The following GNAL variants were observed in gnomAD, a reference collection of about 807,000 sequenced individuals.
GNAL encodes guanine nucleotide-binding protein G(olf) subunit alpha.
A neutral mutation model predicts 55.1 loss-of-function variants in GNAL; 18 were observed. The ratio of observed to expected loss-of-function variants is 0.33; its 90% CI spans 0.23 to 0.48. GNAL has a LOEUF of 0.48. Ranked by LOEUF, GNAL falls within the 20% of genes least tolerant of loss-of-function variation. The probability of loss-of-function intolerance (pLI) is 0.99; values close to 1 mark genes in which losing one functional copy is unlikely to be tolerated. For missense variants in GNAL, 412 were observed against 614.1 expected, an observed-to-expected ratio of 0.67 and a Z score of 3.48; for synonymous variants, 253 against 237.0, an observed-to-expected ratio of 1.07 and a Z score of -0.62.
chr18:11,830,405 G>A (rs530127426), intron 5 of GNAL, among the ~76,000 whole-genome samples: 1 of 149,418 alleles, frequency 6.7e-6, no homozygotes, highest in East Asian at 2.0e-4. Context: ...TCCTGCCTCA[G>A]CCTCAGAATT....
chr18:11,872,826 G>A (rs2586211), intron 10 of GNAL, among the ~76,000 whole-genome samples: 30,052 of 152,178 alleles, frequency 0.2, 3,038 homozygotes, highest in South Asian at 0.27. Context: ...GAGAGATAGC[G>A]TGTTCAAAGC....
In GNAL at chr18:11,752,263, G is replaced by A. The variant is rs2032869915; in HGVS notation, c.377-590G>A. 3 of 1,366,784 alleles carry A rather than the reference G, an allele frequency of 2.2e-6. No homozygotes were observed. Among genetic ancestry groups the A allele is most frequent in the Non-Finnish European group, 2.8e-6 (3 of 1,053,276 alleles). 84.7% of individuals were successfully genotyped at this position (1,366,784 alleles called of 1,614,324 possible). A position where few individuals can be genotyped will look rare whatever the true frequency, so the allele number is the denominator to read the frequency against. ...TTAGTTGGGAGTTTGCGGTGGGCAG[G>A]GGGAGGGAGAAGAAACGCCTGCTCT... On this transcript the variant is annotated intron_variant, in intron 1 of 11. Coordinates refer to ENST00000334049, the MANE Select transcript of GNAL (RefSeq NM_182978.4). The surrounding 1 kb of genome is among the most constrained non-coding windows in gnomAD (Gnocchi z 4.5).
chr18:11,876,766 T>G, intron 11 of GNAL, 78 bp downstream of exon 11: 1 of 824,086 alleles, frequency 1.2e-6, no homozygotes, highest in East Asian at 2.4e-5. Context: ...AATTACTCCT[T>G]GATGATCTCA....
chr18:11,832,998 C>T (rs2045318856), intron 5 of GNAL, among the ~76,000 whole-genome samples: 1 of 151,884 alleles, frequency 6.6e-6, no homozygotes, highest in South Asian at 2.1e-4. Context: ...ACATATTCTT[C>T]TTACCTCTCA....
At chr18:11,753,603 TA>T in intron 2 of GNAL, 24 bp from the exon 3 acceptor site, 1 of 1,434,250 alleles carries the variant, frequency 7.0e-7, no homozygotes, top group Non-Finnish European at 9.8e-7. Flanking sequence ...TAAATTAAGC[TA>T]ATAACAACTC....
chr18:11,764,595 C>T (rs937449466), intron 4 of GNAL, among the ~76,000 whole-genome samples: 3 of 152,128 alleles, frequency 2.0e-5, no homozygotes, highest in African/African-American at 2.4e-5. Flanking sequence ...TCACTTGAGT[C>T]CAGGAGTTTG....
chr18:11,717,582 C>CAT (rs1376202900), intron 1 of GNAL, among the ~76,000 whole-genome samples: 16 of 152,156 alleles, frequency 1.1e-4, no homozygotes, highest in African/African-American at 3.9e-4. Flanking sequence ...AAATATGGTA[C>CAT]ATATACACCA....
intron 1 of GNAL, among the ~76,000 whole-genome samples, chr18:11,694,188 T>G (rs8090294): frequency 0.5 from 76,130 of 151,826 alleles, 21,733 homozygotes; most frequent in African/African-American, 0.79. Context: ...AGTGTGAGGT[T>G]AGTCCCGTCT....
chr18:11,880,421 T>C (rs2036650077), intron 11 of GNAL, among the ~76,000 whole-genome samples: 1 of 150,916 alleles, frequency 6.6e-6, no homozygotes, highest in African/African-American at 2.4e-5. Context: ...ATACAAAAAT[T>C]AGCCAGGCGT....
intron 1 of GNAL, among the ~76,000 whole-genome samples, chr18:11,718,400 C>T (rs59209218): frequency 0.019 from 2,826 of 152,166 alleles, 91 homozygotes; most frequent in African/African-American, 0.064. Flanking sequence ...ATAATCAATA[C>T]GGCAGAGTCA....
At chr18:11,793,199 T>TAATC (rs113556374) in intron 4 of GNAL, among the ~76,000 whole-genome samples, 13,102 of 152,144 alleles carry the variant, frequency 0.086, 979 homozygotes, top group African/African-American at 0.2. Context: ...TCAAAGGACA[T>TAATC]AAGAAAGCAA....
chr18:11,800,638 T>G (rs796890551), intron 4 of GNAL, among the ~76,000 whole-genome samples: 8 of 152,282 alleles, frequency 5.3e-5, no homozygotes, highest in African/African-American at 1.9e-4. Context: ...TCTTTGCCAA[T>G]TTATATGGTG....
chr18:11,827,175 A>C (rs1267677963), intron 5 of GNAL, among the ~76,000 whole-genome samples: 1 of 152,208 alleles, frequency 6.6e-6, no homozygotes, highest in African/African-American at 2.4e-5. Context: ...CGCGCTTGGC[A>C]AGGCAAAGTA....
chr18:11,751,785 T>A lies in GNAL; in HGVS notation c.377-1068T>A. ...AGCGCGGTAGCGCCTCTCCGAGAGC[T>A]CCGGGACCAGCGGCCCGGCCGCCCC... On this transcript the variant is annotated intron_variant, in intron 1 of 11. Transcript: ENST00000334049. The surrounding 1 kb of genome is among the most constrained non-coding windows in gnomAD (Gnocchi z 4.5). 2.2e-6 allele frequency: 1 copy of A among 449,184 alleles called. No homozygotes were observed. Among genetic ancestry groups the A allele is most frequent in the Non-Finnish European group, 2.9e-6 (1 of 339,630 alleles). 27.8% of individuals were successfully genotyped at this position (449,184 alleles called of 1,614,324 possible). A position where few individuals can be genotyped will look rare whatever the true frequency, so the allele number is the denominator to read the frequency against.
rs917969320 is a variant in GNAL, at chr18:11,851,430, G to A, written c.723-10965G>A. 2.8e-6 allele frequency: 4 copies of A among 1,429,536 alleles called. No homozygotes were observed. The Admixed American group carries it at 8.6e-5, about 31-fold the overall frequency. The allele number at this position is 1,429,536 out of a possible 1,614,324, so 88.6% of individuals were successfully genotyped here. A position where few individuals can be genotyped will look rare whatever the true frequency, so the allele number is the denominator to read the frequency against. On this transcript the variant is annotated intron_variant, in intron 5 of 11. Transcript: ENST00000334049. ...AGTGGGACCAAAACAAAGGAGCGGCGGCCGGGAGCGGACTTACCTTACCTT... is the reference window on the plus strand; with the variant it reads ...AGTGGGACCAAAACAAAGGAGCGGCAGCCGGGAGCGGACTTACCTTACCTT...
intron 1 of GNAL, among the ~76,000 whole-genome samples, chr18:11,723,045 G>A (rs1005478857): frequency 2.7e-5 from 4 of 150,024 alleles, no homozygotes; most frequent in East Asian, 2.0e-4. Context: ...TTAGCCTGGC[G>A]TGGTGGCACA....
At chr18:11,715,932 A>G (rs1018742563) in intron 1 of GNAL, among the ~76,000 whole-genome samples, 11 of 152,152 alleles carry the variant, frequency 7.2e-5, no homozygotes, top group Admixed American at 3.9e-4. Flanking sequence ...AGTGCAAATC[A>G]AAACTACCAT....
At chr18:11,702,756 G>A in intron 1 of GNAL, among the ~76,000 whole-genome samples, 1 of 151,414 alleles carries the variant, frequency 6.6e-6, no homozygotes, top group East Asian at 1.9e-4. Context: ...AGCAGCTCTT[G>A]CCCCAGTGAG....
chr18:11,865,636 T>C (rs1432333020), intron 7 of GNAL, among the ~76,000 whole-genome samples: 1 of 145,206 alleles, frequency 6.9e-6, no homozygotes, highest in Non-Finnish European at 1.5e-5. Flanking sequence ...ACACCTGTGG[T>C]CCTAGCTACT....
Sources: allele counts gnomAD v4.1 joint callset (sites outside exome capture counted in the v4.1 genomes callset), GRCh38; gene constraint gnomAD v4.1.1; non-coding constraint Gnocchi (gnomAD v3.1); transcripts MANE v1.5; gene names NCBI Gene and HGNC (gene_info 2026-07-23, HGNC 2026-07-21).